The following NFRKB variants were observed in gnomAD, a reference collection of about 807,000 sequenced individuals.
NFRKB encodes the protein nuclear factor related to kappa-B-binding protein.
NFRKB carries 62 observed loss-of-function variants against 135.7 expected under a neutral mutation model. The ratio of observed to expected loss-of-function variants is 0.46; its 90% CI spans 0.37 to 0.56. The LOEUF (loss-of-function observed/expected upper bound fraction) is 0.56, where lower values mean the gene tolerates loss of function less well. NFRKB is among the 20% of genes least tolerant of loss of function. NFRKB has a pLI of 0.00. For missense variants in NFRKB, 1,545 were observed against 1,662.0 expected, an observed-to-expected ratio of 0.93 and a Z score of 1.22; for synonymous variants, 678 against 635.6, an observed-to-expected ratio of 1.07 and a Z score of -1.00.
chr11:129,885,946 T>C (rs1393650973), intron 5 of NFRKB, among the ~76,000 whole-genome samples: 1 of 152,216 alleles, frequency 6.6e-6, no homozygotes, highest in Non-Finnish European at 1.5e-5. Context: ...CAGGGGCTAT[T>C]GGGCCTGTTA....
Position 129,869,687 on chromosome 11 carries a change from T to C in NFRKB, c.3338A>G (p.Gln1113Arg). The C allele has an allele frequency of 6.2e-7, 1 of 1,614,192 alleles. No individual in the cohort carries two copies. Among genetic ancestry groups the C allele is most frequent in the South Asian group, 1.1e-5 (1 of 91,072 alleles). The change falls in exon 24 of 27, where the codon CAA becomes CGA. Residue 1113 changes from glutamine to arginine, a missense_variant. By Grantham distance (43) the Gln-to-Arg change is conservative (BLOSUM62 1). Transcript: ENST00000682444. ...AGACCCACTGGCCACCGAGGCCCCT[T>C]GCTTGGCGTGGGTTGCAACGGTGAT... ...QTITVATHAK[Q>R]GASVASGSGT...
chr11:129,878,688 C>A, intron 13 of NFRKB, 145 bp from the exon 14 acceptor site: 2 of 718,304 alleles, frequency 2.8e-6, no homozygotes, highest in Admixed American at 2.7e-5. Flanking sequence ...CACTGCCTTC[C>A]AGCTGGCGGA....
intron 5 of NFRKB, among the ~76,000 whole-genome samples, 199 bp from the exon 6 acceptor site, chr11:129,885,808 T>C (rs1028523285): frequency 6.6e-6 from 1 of 152,256 alleles, no homozygotes; most frequent in East Asian, 1.9e-4. Flanking sequence ...AATCTGACTG[T>C]TGAAGTGCTC....
Position 129,881,851 on chromosome 11 carries a change from T to C in NFRKB, c.1194A>G (p.Leu398=), listed in dbSNP as rs759511340. ...LLESQASLPM[L]EERVLDWQSS... ...ACTGCCAATCCAAAACTCGCTCCTC[T>C]AGCTGAGGGAAAGCAAAGGCAGAAC... The change falls in exon 12 of 27, where the codon CTA becomes CTG. Residue 398 remains leucine (L), a splice_region_variant and synonymous_variant. Transcript: ENST00000682444. The C allele has an allele frequency of 8.8e-6, 14 of 1,597,400 alleles. No individual in the cohort carries two copies. The highest frequency in any genetic ancestry group is 1.7e-4 in the Middle Eastern group (1 of 5,972).
chr11:129,894,097 C>T (rs1013734945), intron 2 of NFRKB: 1 of 152,206 alleles, frequency 6.6e-6, no homozygotes, highest in Non-Finnish European at 1.5e-5. Context: ...CTTCAGAAAA[C>T]TACATACCAC....
rs1238338641 is a variant in NFRKB, at chr11:129,864,527, G to A, written c.*198C>T. On this transcript the variant is annotated 3_prime_UTR_variant, in exon 27 of 27. Coordinates refer to ENST00000682444, the MANE Select transcript of NFRKB (RefSeq NM_001143835.2). ...GTAGAGAGCAGACCTTGGAACCCTGGAGTGAACCTTTCTCAGGGTGCTCCA... is the reference window on the plus strand; with the variant it reads ...GTAGAGAGCAGACCTTGGAACCCTGAAGTGAACCTTTCTCAGGGTGCTCCA... 2 of 623,484 alleles carry A rather than the reference G, an allele frequency of 3.2e-6. No homozygotes were observed. The highest frequency in any genetic ancestry group is 2.0e-5 in the South Asian group (1 of 49,428). The allele number at this position is 623,484 out of a possible 1,614,324, so 38.6% of individuals were successfully genotyped here. A position where few individuals can be genotyped will look rare whatever the true frequency, so the allele number is the denominator to read the frequency against.
At chr11:129,878,228 CA>C in intron 15 of NFRKB, 80 bp downstream of exon 15, 2 of 1,456,668 alleles carry the variant, frequency 1.4e-6, no homozygotes, top group Non-Finnish European at 1.9e-6. Context: ...TCTAGCATAC[CA>C]AGAAGTATTA....
Position 129,869,630 on chromosome 11 carries a change from G to C in NFRKB, c.3395C>G (p.Pro1132Arg). The stretch of plus-strand genomic sequence containing the variant: ...CTTGGACACAGCAGCATTCATACTG[G>C]GTAAGGACACCGCTGAAGTATGGAC... The part of the protein sequence containing the change: ...GTVHTSAVSL[P>R]SMNAAVSKTV... Residue 1132 changes from proline (P) to arginine (R), a missense_variant, in exon 24 of 27, where the codon CCC becomes CGC. Pro to Arg is a moderately radical substitution (Grantham distance 103, BLOSUM62 -2). Transcript: ENST00000682444. 1.2e-6 allele frequency: 2 copies of C among 1,614,176 alleles called. No homozygotes were observed. Among genetic ancestry groups the C allele is most frequent in the Non-Finnish European group, 1.7e-6 (2 of 1,180,042 alleles).
intron 2 of NFRKB, chr11:129,893,869 T>A (rs1949667109): frequency 6.6e-6 from 1 of 152,220 alleles, no homozygotes; most frequent in Non-Finnish European, 1.5e-5. Flanking sequence ...CTACACACAA[T>A]ACCTCTTGTA....
At chr11:129,869,178 G>A (rs984204473) in intron 24 of NFRKB, among the ~76,000 whole-genome samples, 1 of 152,178 alleles carries the variant, frequency 6.6e-6, no homozygotes, top group African/African-American at 2.4e-5. Context: ...AGGGAGAACT[G>A]GAACGTAGTC....
chr11:129,882,836 T>G (rs1445450806), intron 9 of NFRKB, among the ~76,000 whole-genome samples: 1 of 152,050 alleles, frequency 6.6e-6, no homozygotes, highest in Non-Finnish European at 1.5e-5. Context: ...CAAGCTGGAG[T>G]GCAGTGGTGC....
At chr11:129,893,963 C>T (rs1352573033) in intron 2 of NFRKB, 5 of 152,200 alleles carry the variant, frequency 3.3e-5, no homozygotes, top group African/African-American at 1.2e-4. Flanking sequence ...GTTCCACACA[C>T]CTGACCATAA....
Position 129,864,579 on chromosome 11 carries a change from G to C in NFRKB, c.*146C>G. The C allele has an allele frequency of 1.8e-6, 2 of 1,136,144 alleles. No homozygotes were observed. Among genetic ancestry groups the C allele is most frequent in the East Asian group, 2.5e-5 (1 of 40,246 alleles). 70.4% of individuals were successfully genotyped at this position (1,136,144 alleles called of 1,614,324 possible). ...TATGGCACGTGGCAGCAGAATCCAG[G>C]CCACGAATCCAGGCCACCGTTGCCA... On this transcript the variant is annotated 3_prime_UTR_variant, in exon 27 of 27. Transcript: ENST00000682444.
intron 25 of NFRKB, 92 bp downstream of exon 25, chr11:129,865,785 C>A: frequency 9.1e-7 from 1 of 1,102,922 alleles, no homozygotes; most frequent in East Asian, 2.4e-5. Flanking sequence ...CCAGAAAGAC[C>A]AGCCACTTTG....
intron 2 of NFRKB, chr11:129,893,323 C>A (rs928151018): frequency 4.5e-6 from 2 of 445,700 alleles, no homozygotes; most frequent in African/African-American, 4.2e-5. Flanking sequence ...GAGGTCCAGG[C>A]GGGCAGTCCC....
intron 3 of NFRKB, among the ~76,000 whole-genome samples, chr11:129,890,807 C>T (rs938683701): frequency 6.6e-6 from 1 of 152,142 alleles, no homozygotes; most frequent in Non-Finnish European, 1.5e-5. Flanking sequence ...AGGGCACGTA[C>T]CATTATTGAG....
intron 3 of NFRKB, among the ~76,000 whole-genome samples, chr11:129,890,786 C>G (rs942081375): frequency 2.6e-5 from 4 of 152,324 alleles, no homozygotes; most frequent in South Asian, 4.1e-4. Context: ...AACAAGCTGG[C>G]ATCCCATCCC....
chr11:129,893,428 C>T (rs1591542511), intron 2 of NFRKB: 31 of 334,274 alleles, frequency 9.3e-5, no homozygotes, highest in South Asian at 6.6e-4. Context: ...GGCGTGGTGG[C>T]GCACGCCTGT....
chr11:129,870,375 T>G (rs901792862), intron 23 of NFRKB, 114 bp from the exon 24 acceptor site: 4 of 1,256,078 alleles, frequency 3.2e-6, no homozygotes, highest in Non-Finnish European at 3.3e-6. Flanking sequence ...TTTTTTAACT[T>G]TTTATTTTGC....
Sources: gnomAD v4.1 joint callset for allele counts (sites outside exome capture counted in the v4.1 genomes callset) on GRCh38, gnomAD v4.1.1 for gene constraint, MANE v1.5 for transcripts, NCBI Gene and HGNC (gene_info 2026-07-23, HGNC 2026-07-21) for gene names.